Variants in MTF2 observed in about 807,000 individuals in gnomAD.
The protein encoded by MTF2 is metal-response element-binding transcription factor 2.
A neutral mutation model predicts 79.5 loss-of-function variants in MTF2; 11 were observed. The ratio of observed to expected loss-of-function variants is 0.14; its 90% CI spans 0.09 to 0.23. The LOEUF is 0.23. Ranked by LOEUF, MTF2 falls within the 10% of genes least tolerant of loss-of-function variation. MTF2 has a pLI of 1.00. For synonymous variants in MTF2, 208 were observed against 232.8 expected (o/e 0.89, Z 0.97); for missense variants, 486 against 711.2 (o/e 0.68, Z 3.60).
chr1:93,106,723 G>A (rs771454729), intron 1 of MTF2, among the ~76,000 whole-genome samples: 3 of 152,106 alleles, frequency 2.0e-5, no homozygotes, highest in Non-Finnish European at 4.4e-5. Context: ...TTTTCTCCAT[G>A]TTGGTCAGGC....
At chr1:93,125,090 G>A (rs918372789) in intron 9 of MTF2, among the ~76,000 whole-genome samples, 1 of 151,900 alleles carries the variant, frequency 6.6e-6, no homozygotes, top group Admixed American at 6.6e-5. Context: ...AATACCAAAA[G>A]AAAGTAGAGT....
chr1:93,111,294 A>T (rs1005865641), intron 3 of MTF2, among the ~76,000 whole-genome samples: 15 of 152,142 alleles, frequency 9.9e-5, no homozygotes, highest in African/African-American at 3.4e-4. Flanking sequence ...TAAAAGCCTG[A>T]GTATTTTAGC....
At position 93,086,439 on chromosome 1, in the gene MTF2, C is replaced by T. The variant is rs150299083; in HGVS notation, c.5+6908C>T. ...ACTTGAACCCAGGAGGCGGGGGCTG[C>T]AGTGAGCTGAGATTGCACCACTGCA... On this transcript the variant is annotated intron_variant, in intron 1 of 14. Coordinates refer to ENST00000370298, the MANE Select transcript of MTF2 (RefSeq NM_007358.4). Among the ~76,000 whole-genome samples the T allele has an allele frequency of 1.8e-3, 256 of 138,830 alleles. 1 individual carries two copies. The highest frequency in any genetic ancestry group is 4.5e-3 in the Middle Eastern group (1 of 222). 91.1% of individuals were successfully genotyped at this position (138,830 alleles called of 152,430 possible).
chr1:93,088,874 A>G (rs1387956341), intron 1 of MTF2, among the ~76,000 whole-genome samples: 1 of 152,020 alleles, frequency 6.6e-6, no homozygotes, highest in East Asian at 1.9e-4. Flanking sequence ...GCCCAACCTC[A>G]TTTACAATTT....
rs1415709116 is a variant in MTF2 at position 93,136,992 on chromosome 1, T to C, written c.1747T>C (p.Tyr583His). Reference sequence around the variant, plus strand: ...GGTGACACTTGATGGAAAGGTGCAGTATCTTGTGGAATGGGAAGGAGCAAC... The same window carrying C: ...GGTGACACTTGATGGAAAGGTGCAGCATCTTGTGGAATGGGAAGGAGCAAC... ...RRVTLDGKVQ[Y>H]LVEWEGATAS The change falls in exon 15 of 15, where the codon TAT (tyrosine) becomes CAT (histidine). Residue 583 changes from tyrosine (Y) to histidine (H), a missense_variant. Physicochemically the swap from Tyr to His is moderately conservative, Grantham distance 83 (BLOSUM62 2). Transcript: ENST00000370298. 1.2e-6 allele frequency: 2 copies of C among 1,613,966 alleles called. No individual in the cohort carries two copies. The highest frequency in any genetic ancestry group is 2.2e-5 in the East Asian group (1 of 44,876).
In MTF2 at chr1:93,120,305, A is replaced by G; in HGVS notation, c.798-244A>G. On this transcript the variant is annotated intron_variant, in intron 8 of 14. Coordinates refer to ENST00000370298, the MANE Select transcript of MTF2 (RefSeq NM_007358.4). ...TCAGCGAAACTCTGTCTCCAAGAAA[A>G]AAAAAAAAAAAAAAAAGAAGTAATT... 1.4e-5 allele frequency: 3 copies of G among 216,018 alleles called. No homozygotes were observed. The South Asian group carries it at 2.3e-4, about 17-fold the overall frequency. 13.4% of individuals were successfully genotyped at this position (216,018 alleles called of 1,614,324 possible). A position where few individuals can be genotyped will look rare whatever the true frequency, so the allele number is the denominator to read the frequency against.
At position 93,101,663 on chromosome 1, in the gene MTF2, G is replaced by A. The variant is rs113346930; in HGVS notation, c.6-8567G>A. ...TGCAGTCACAGCTCACTGCAGCCTC[G>A]ACCTCCCAGGCTCACGCAATTCTCC... On this transcript the variant is annotated intron_variant, in intron 1 of 14. Transcript: ENST00000370298. 6.3e-3 allele frequency among the ~76,000 whole-genome samples: 843 copies of A among 133,204 alleles called. 11 individuals are homozygous for A. The highest frequency in any genetic ancestry group is 0.013 in the African/African-American group (477 of 35,764). The allele number at this position is 133,204 out of a possible 152,430, so 87.4% of individuals were successfully genotyped here.
intron 1 of MTF2, among the ~76,000 whole-genome samples, chr1:93,083,615 G>A (rs994123187): frequency 3.3e-5 from 5 of 152,036 alleles, no homozygotes; most frequent in African/African-American, 4.8e-5. Context: ...ATGATAACTC[G>A]GATTAGTGTT....
At chr1:93,086,349 C>T (rs574484704) in intron 1 of MTF2, among the ~76,000 whole-genome samples, 1 of 151,902 alleles carries the variant, frequency 6.6e-6, no homozygotes. Flanking sequence ...ACTAAAAATA[C>T]AAAAAATTTA....
chr1:93,101,255 C>A (rs1655515749), intron 1 of MTF2, among the ~76,000 whole-genome samples: 2 of 151,724 alleles, frequency 1.3e-5, no homozygotes, highest in South Asian at 4.2e-4. Flanking sequence ...TCCAGGCAAT[C>A]TCTTTCAAGA....
chr1:93,115,405 A>G (rs1345582049), intron 5 of MTF2, 65 bp from the exon 6 acceptor site: 7 of 1,034,034 alleles, frequency 6.8e-6, no homozygotes, highest in Non-Finnish European at 9.5e-6. Flanking sequence ...AGTCGTTTTT[A>G]AAGTATAGAA....
chr1:93,132,679 C>G (rs1256569755), intron 11 of MTF2, among the ~76,000 whole-genome samples: 3 of 152,184 alleles, frequency 2.0e-5, no homozygotes, highest in Non-Finnish European at 4.4e-5. Flanking sequence ...CCTCATACTT[C>G]CACCTTTATT....
chr1:93,129,521 C>T (rs924967487), intron 11 of MTF2, 73 bp downstream of exon 11: 3 of 1,162,338 alleles, frequency 2.6e-6, no homozygotes, highest in African/African-American at 1.6e-5. Flanking sequence ...ATTTAGTCTC[C>T]TTAGTATATT....
intron 9 of MTF2, 70 bp from the exon 10 acceptor site, chr1:93,127,162 C>G: frequency 9.4e-7 from 1 of 1,058,372 alleles, no homozygotes; most frequent in South Asian, 1.3e-5. Flanking sequence ...CACATTGCCT[C>G]TATCTAGCAC....
intron 3 of MTF2, among the ~76,000 whole-genome samples, chr1:93,111,837 A>G (rs1656040520): frequency 6.6e-6 from 1 of 152,190 alleles, no homozygotes. Flanking sequence ...CTTATTTTGT[A>G]AACATAGGTC....
At chr1:93,130,679 T>C (rs888684927) in intron 11 of MTF2, among the ~76,000 whole-genome samples, 2 of 152,104 alleles carry the variant, frequency 1.3e-5, no homozygotes, top group South Asian at 2.1e-4. Flanking sequence ...AGGTGAGAGA[T>C]AGATGATATG....
intron 1 of MTF2, among the ~76,000 whole-genome samples, 154 bp from the exon 2 acceptor site, chr1:93,110,076 G>A (rs369932712): frequency 8.5e-5 from 13 of 152,246 alleles, no homozygotes; most frequent in East Asian, 5.8e-4. Flanking sequence ...AAACTGCTTT[G>A]TTTGGAGAGT....
intron 14 of MTF2, 134 bp from the exon 15 acceptor site, chr1:93,136,533 ATTG>A: frequency 1.4e-6 from 1 of 720,954 alleles, no homozygotes; most frequent in South Asian, 1.9e-5. Context: ...TATAGCATTT[ATTG>A]TTTGGGTTTG....
chr1:93,115,403 T>A (rs1464139620), intron 5 of MTF2, 67 bp from the exon 6 acceptor site: 1 of 1,286,386 alleles, frequency 7.8e-7, no homozygotes, highest in African/African-American at 1.5e-5. Flanking sequence ...AGAGTCGTTT[T>A]TAAAGTATAG....
Sources: allele counts gnomAD v4.1 joint callset (sites outside exome capture counted in the v4.1 genomes callset), GRCh38; gene constraint gnomAD v4.1.1; transcripts MANE v1.5; gene names NCBI Gene and HGNC (gene_info 2026-07-23, HGNC 2026-07-21).